Variants in UNC79 observed in about 807,000 individuals in gnomAD.
UNC79 encodes protein unc-79 homolog.
UNC79 carries 37 observed loss-of-function variants against 283.1 expected under a neutral mutation model. That is an observed-to-expected ratio of 0.13 (90% CI 0.10 to 0.17). The LOEUF (loss-of-function observed/expected upper bound fraction) is 0.17. Among genes scored for constraint, UNC79 ranks in the 10% least tolerant of loss-of-function variants. The probability of loss-of-function intolerance (pLI) is 1.00; values close to 1 mark genes in which losing one functional copy is unlikely to be tolerated. For synonymous variants in UNC79, 1,107 were observed against 1,200.2 expected, an observed-to-expected ratio of 0.92 and a Z score of 1.61; for missense variants, 2,272 against 3,211.1, an observed-to-expected ratio of 0.71 and a Z score of 7.07.
intron 1 of UNC79, among the ~76,000 whole-genome samples, chr14:93,363,647 A>G (rs1458339350): frequency 6.6e-6 from 1 of 152,152 alleles, no homozygotes; most frequent in Non-Finnish European, 1.5e-5. Context: ...TGGGTGCTCC[A>G]GTGTTGGGTG....
At chr14:93,401,348 G>C (rs929067723) in intron 1 of UNC79, among the ~76,000 whole-genome samples, 1 of 152,192 alleles carries the variant, frequency 6.6e-6, no homozygotes, top group Non-Finnish European at 1.5e-5. Flanking sequence ...CTTGCCCAAG[G>C]TGGCAGCATG....
At chr14:93,576,544 A>G (rs1298788206) in intron 17 of UNC79, among the ~76,000 whole-genome samples, 2 of 152,198 alleles carry the variant, frequency 1.3e-5, no homozygotes, top group East Asian at 3.8e-4. Context: ...ACAGACTTTA[A>G]TGGAGATTCT....
chr14:93,534,105 G>A (rs1306250482), intron 11 of UNC79, among the ~76,000 whole-genome samples: 1 of 152,182 alleles, frequency 6.6e-6, no homozygotes, highest in African/African-American at 2.4e-5. Context: ...AAGAGGAAGG[G>A]AAAGCAGATA....
intron 35 of UNC79, among the ~76,000 whole-genome samples, chr14:93,648,611 G>A (rs921534690): frequency 6.6e-6 from 1 of 152,164 alleles, no homozygotes; most frequent in African/African-American, 2.4e-5. Context: ...AGCAAGCCTG[G>A]ATGAGAGCTG....
At chr14:93,433,705 C>G (rs1379164886) in intron 1 of UNC79, among the ~76,000 whole-genome samples, 1 of 152,150 alleles carries the variant, frequency 6.6e-6, no homozygotes, top group African/African-American at 2.4e-5. Context: ...ATTTCTATTA[C>G]TCTTCTTCTT....
chr14:93,590,039 A>G (rs1463407154), intron 22 of UNC79, among the ~76,000 whole-genome samples: 1 of 152,098 alleles, frequency 6.6e-6, no homozygotes, highest in Non-Finnish European at 1.5e-5. Context: ...AATTGTTGGA[A>G]TGTCTTGGCT....
chr14:93,412,336 G>C (rs1021062638), intron 1 of UNC79, among the ~76,000 whole-genome samples: 5 of 152,024 alleles, frequency 3.3e-5, no homozygotes, highest in African/African-American at 1.2e-4. Context: ...CCTTAAAGAG[G>C]AGGTGGAGAA....
At chr14:93,534,523 T>A (rs932091558) in intron 11 of UNC79, among the ~76,000 whole-genome samples, 11 of 152,238 alleles carry the variant, frequency 7.2e-5, no homozygotes, top group Non-Finnish European at 1.2e-4. Context: ...GTCCTTCCTA[T>A]ATTTTGGGCG....
At chr14:93,665,348 G>A (rs2072070125) in intron 40 of UNC79, among the ~76,000 whole-genome samples, 1 of 151,562 alleles carries the variant, frequency 6.6e-6, no homozygotes. Context: ...GCCAAAGAGA[G>A]AATTGGTGAA....
At chr14:93,509,981 T>C (rs1443826626) in intron 7 of UNC79, among the ~76,000 whole-genome samples, 1 of 152,078 alleles carries the variant, frequency 6.6e-6, no homozygotes, top group African/African-American at 2.4e-5. Context: ...TTTCCATACA[T>C]CCTCTGAAAT....
rs2054852081 is a variant in UNC79 at position 93,389,946 on chromosome 14, C to T, written c.-351+56423C>T. On this transcript the variant is annotated intron_variant, in intron 1 of 49. Transcript: ENST00000256339. The stretch of plus-strand genomic sequence containing the variant: ...AGGGTTACAGGCGTGAGCCCCCGTG[C>T]CCGGTGAGCACTTGTTTCATGAGGC... Among the ~76,000 whole-genome samples the T allele has an allele frequency of 2.0e-5, 3 of 152,194 alleles. No homozygotes were observed. The South Asian group carries it at 6.2e-4, about 31-fold the overall frequency.
chr14:93,547,853 G>C (rs2141259415), intron 14 of UNC79, among the ~76,000 whole-genome samples: 1 of 152,072 alleles, frequency 6.6e-6, no homozygotes, highest in Middle Eastern at 3.4e-3. Context: ...AATTATCCTG[G>C]CATGTTGGCT....
At chr14:93,383,695 C>T (rs1185229238) in intron 1 of UNC79, among the ~76,000 whole-genome samples, 1 of 152,016 alleles carries the variant, frequency 6.6e-6, no homozygotes, top group Non-Finnish European at 1.5e-5. Flanking sequence ...GTGGCAAGTA[C>T]TTAAAAAAAA....
chr14:93,518,991 G>A (rs2060199092), intron 7 of UNC79, among the ~76,000 whole-genome samples: 1 of 151,922 alleles, frequency 6.6e-6, no homozygotes, highest in South Asian at 2.1e-4. Context: ...TTAAAACAAT[G>A]TGTATTCCAC....
chr14:93,444,390 G>A (rs2056403262), intron 1 of UNC79, among the ~76,000 whole-genome samples: 1 of 151,846 alleles, frequency 6.6e-6, no homozygotes. Flanking sequence ...TTACCTTTGT[G>A]TTTTCTTAAC....
exon 1 of UNC79, chr14:93,333,454 C>T (rs979619820): frequency 7.5e-5 from 30 of 398,544 alleles, no homozygotes; most frequent in African/African-American, 6.2e-4. Flanking sequence ...AACAACTCTT[C>T]CGCGGAAAGT....
At chr14:93,406,727 C>T (rs1273728621) in intron 1 of UNC79, among the ~76,000 whole-genome samples, 1 of 152,138 alleles carries the variant, frequency 6.6e-6, no homozygotes, top group Non-Finnish European at 1.5e-5. Flanking sequence ...ACACAAAGAG[C>T]TTGGAAGTTA....
intron 1 of UNC79, among the ~76,000 whole-genome samples, chr14:93,402,461 AAAG>A (rs2055130966): frequency 6.6e-6 from 1 of 151,954 alleles, no homozygotes; most frequent in African/African-American, 2.4e-5. Flanking sequence ...TATAAACAAA[AAAG>A]CAGATATGAA....
intron 40 of UNC79, among the ~76,000 whole-genome samples, chr14:93,667,374 T>G (rs745875052): frequency 3.3e-5 from 5 of 152,110 alleles, no homozygotes; most frequent in Non-Finnish European, 7.4e-5. Context: ...TAAAACACAC[T>G]GATAAAGAAT....
Sources: allele counts gnomAD v4.1 joint callset (sites outside exome capture counted in the v4.1 genomes callset), GRCh38; gene constraint gnomAD v4.1.1; transcripts MANE v1.5; gene names NCBI Gene and HGNC (gene_info 2026-07-23, HGNC 2026-07-21).